COL12A1: variants seen among roughly 807,000 people sequenced by gnomAD.
COL12A1 encodes collagen type XII alpha 1 chain.
In COL12A1, 114 loss-of-function variants were observed where a neutral mutation model predicts 349.7. That is an observed-to-expected ratio of 0.33 (90% CI 0.28 to 0.38). The LOEUF (loss-of-function observed/expected upper bound fraction) is 0.38. Among genes scored for constraint, COL12A1 ranks in the 10% least tolerant of loss-of-function variants. The pLI, the probability that COL12A1 is intolerant of heterozygous loss-of-function variation, is 1.00. For missense variants in COL12A1, 3,284 were observed against 3,756.9 expected (o/e 0.87, Z 3.29); for synonymous variants, 1,369 against 1,329.0 (o/e 1.03, Z -0.66).
At chr6:75,139,931 C>A (rs1766809703) in intron 27 of COL12A1, among the ~76,000 whole-genome samples, 1 of 152,084 alleles carries the variant, frequency 6.6e-6, no homozygotes, top group Admixed American at 6.5e-5. Context: ...AAGCTAATTA[C>A]ACAAACCCCA....
At chr6:75,118,922 A>G in intron 46 of COL12A1, 121 bp downstream of exon 46, 1 of 1,320,394 alleles carries the variant, frequency 7.6e-7, no homozygotes, top group Non-Finnish European at 1.0e-6. Flanking sequence ...ACGAAGGTAT[A>G]CCGTGCAGAG....
intron 54 of COL12A1, among the ~76,000 whole-genome samples, chr6:75,104,374 T>G (rs537203600): frequency 6.6e-6 from 1 of 152,150 alleles, no homozygotes; most frequent in East Asian, 1.9e-4. Flanking sequence ...AAAAAAAGAA[T>G]GGTAACCCCA....
intron 1 of COL12A1, among the ~76,000 whole-genome samples, chr6:75,204,205 C>T (rs1770663898): frequency 1.3e-5 from 2 of 152,322 alleles, no homozygotes; most frequent in Admixed American, 1.3e-4. Context: ...TCTTCTACAT[C>T]AGTGAAAAGC....
At chr6:75,105,137 A>T (rs558227614) in intron 54 of COL12A1, 69 bp downstream of exon 54, 6 of 1,340,946 alleles carry the variant, frequency 4.5e-6, no homozygotes, top group African/African-American at 1.5e-5. Flanking sequence ...CTGACTCCAT[A>T]TTGGCAAATA....
At chr6:75,168,166 GTCAA>G (rs1426354507) in intron 13 of COL12A1, among the ~76,000 whole-genome samples, 2 of 152,140 alleles carry the variant, frequency 1.3e-5, no homozygotes, top group Admixed American at 6.5e-5. Flanking sequence ...TTTCTTACAT[GTCAA>G]TCAGTCAGTT....
chr6:75,174,448 T>C (rs1025394070), intron 13 of COL12A1, among the ~76,000 whole-genome samples: 5 of 151,986 alleles, frequency 3.3e-5, no homozygotes, highest in South Asian at 2.1e-4. Flanking sequence ...CCCAGCTACT[T>C]GGGATGCTGA....
At chr6:75,165,357 T>C in intron 14 of COL12A1, 150 bp downstream of exon 14, 1 of 1,098,814 alleles carries the variant, frequency 9.1e-7, no homozygotes, top group Non-Finnish European at 1.3e-6. Flanking sequence ...TACTCTGAAT[T>C]TAAGCCAAAT....
chr6:75,146,412 T>C (rs927633041), intron 23 of COL12A1, 168 bp from the exon 24 acceptor site: 1 of 635,958 alleles, frequency 1.6e-6, no homozygotes, highest in African/African-American at 1.9e-5. Context: ...AAAATCCAAT[T>C]TACATTGCTC....
rs41269305 is a variant in COL12A1 at position 75,145,252 on chromosome 6, T to A, written c.4690+74A>T. The A allele has an allele frequency of 8.9e-3, 11,468 of 1,291,584 alleles. 68 individuals are homozygous for A. Among genetic ancestry groups the A allele is most frequent in the Non-Finnish European group, 0.01 (10,197 of 981,172 alleles). The allele number at this position is 1,291,584 out of a possible 1,614,324, so 80.0% of individuals were successfully genotyped here. On this transcript the variant is annotated intron_variant, in intron 25 of 65. Coordinates refer to ENST00000322507, the MANE Select transcript of COL12A1 (RefSeq NM_004370.6). ...ATAAATTATCAAATTATTGTTAGCA[T>A]CACATGAAATAAATTCTAATGAACA... is the stretch of plus-strand genomic sequence containing the variant.
intron 13 of COL12A1, among the ~76,000 whole-genome samples, chr6:75,170,111 C>G (rs537122386): frequency 1.3e-5 from 2 of 152,290 alleles, no homozygotes; most frequent in East Asian, 3.9e-4. Flanking sequence ...TGTTTCCTTA[C>G]CCCTTTTCCA....
chr6:75,193,108 T>G lies in COL12A1; in HGVS notation c.191-753A>C, dbSNP rs182033066. On this transcript the variant is annotated intron_variant, in intron 3 of 65. Coordinates refer to ENST00000322507, the MANE Select transcript of COL12A1 (RefSeq NM_004370.6). ...AAAGATAACAGGTGCAACAGACCAC[T>G]GAAAAATGCTCTTGGTTTGCAGGTA... Among the ~76,000 whole-genome samples, 311 of 152,230 alleles carry G rather than the reference T, an allele frequency of 2.0e-3. 7 individuals are homozygous for G. Among genetic ancestry groups the G allele is most frequent in the Non-Finnish European group, 4.1e-4 (28 of 67,994 alleles).
At position 75,089,092 on chromosome 6, in the gene COL12A1, AC is replaced by A; in HGVS notation, c.9010+13del. 1 of 1,600,558 alleles carries A rather than the reference AC, an allele frequency of 6.2e-7. No individual in the cohort carries two copies. Among genetic ancestry groups the A allele is most frequent in the Non-Finnish European group, 8.5e-7 (1 of 1,170,446 alleles). On this transcript the variant is annotated intron_variant, in intron 64 of 65. Coordinates refer to ENST00000322507, the MANE Select transcript of COL12A1 (RefSeq NM_004370.6). ...TTTATAGTCTTTGCCTGTTTAAAAT[AC>A]TAGCAAACCTACCTGGGGGGCCAGG...
rs1171598389 is a variant in COL12A1 at position 75,151,145 on chromosome 6, A to G, written c.4143T>C (p.Gly1381=). The G allele has an allele frequency of 5.4e-6, 8 of 1,479,174 alleles. No individual in the cohort carries two copies. The highest frequency in any genetic ancestry group is 7.3e-6 in the Non-Finnish European group (8 of 1,098,702). The allele number at this position is 1,479,174 out of a possible 1,614,324, so 91.6% of individuals were successfully genotyped here. The change falls in exon 21 of 66, where the codon GGT becomes GGC. Residue 1381 remains glycine, a synonymous_variant. Transcript: ENST00000322507. ...LTINLCNSVK[G]PGDLEAPSNL... is the part of the protein sequence containing the mutation. ...GAAACTCTGGGTTAAACTTACCTGG[A>G]CCTTTGACACTGTTACACAAATTAA...
At chr6:75,190,325 C>A (rs1769865078) in intron 5 of COL12A1, among the ~76,000 whole-genome samples, 1 of 151,874 alleles carries the variant, frequency 6.6e-6, no homozygotes. Flanking sequence ...TGTTAATATA[C>A]TCTTGCACTT....
At chr6:75,098,647 G>A (rs920533606) in intron 58 of COL12A1, among the ~76,000 whole-genome samples, 3 of 151,942 alleles carry the variant, frequency 2.0e-5, no homozygotes, top group African/African-American at 4.8e-5. Flanking sequence ...TGACACAGTG[G>A]GACCCTATTT....
intron 13 of COL12A1, among the ~76,000 whole-genome samples, chr6:75,173,186 C>T (rs573432128): frequency 7.2e-5 from 11 of 152,146 alleles, no homozygotes; most frequent in Non-Finnish European, 1.2e-4. Context: ...GATAATCATC[C>T]CTTCTTTATA....
intron 24 of COL12A1, 124 bp from the exon 25 acceptor site, chr6:75,145,579 A>C: frequency 2.2e-6 from 2 of 903,010 alleles, no homozygotes; most frequent in Non-Finnish European, 3.1e-6. Flanking sequence ...TTCATTTATA[A>C]GATTACATCT....
In COL12A1 at chr6:75,137,062, A is replaced by C. The variant is rs1766645707; in HGVS notation, c.5394+375T>G. Reference sequence around the variant, plus strand: ...GAAAATAAACATTATAGGTAAGTTTAGCAAACTTTCAGCAGTTGATTAAGT... The same window carrying C: ...GAAAATAAACATTATAGGTAAGTTTCGCAAACTTTCAGCAGTTGATTAAGT... On this transcript the variant is annotated intron_variant, in intron 31 of 65. Transcript: ENST00000322507. Among the ~76,000 whole-genome samples, 2 of 152,234 alleles carry C rather than the reference A, an allele frequency of 1.3e-5. 1 individual carries two copies. The highest frequency in any genetic ancestry group is 4.1e-4 in the South Asian group (2 of 4,832).
chr6:75,136,489 A>T (rs1766614851), intron 31 of COL12A1, among the ~76,000 whole-genome samples: 1 of 152,154 alleles, frequency 6.6e-6, no homozygotes, highest in Non-Finnish European at 1.5e-5. Context: ...CACACCTTAG[A>T]TTAATGCCAA....
Sources: gnomAD v4.1 joint callset for allele counts (sites outside exome capture counted in the v4.1 genomes callset) on GRCh38, gnomAD v4.1.1 for gene constraint, MANE v1.5 for transcripts, NCBI Gene and HGNC (gene_info 2026-07-23, HGNC 2026-07-21) for gene names.